KLHL7: variants seen among roughly 807,000 people sequenced by gnomAD.
The protein encoded by KLHL7 is kelch like family member 7.
KLHL7 carries 44 observed loss-of-function variants against 67.4 expected under a neutral mutation model. That is an observed-to-expected ratio of 0.65 (90% CI 0.51 to 0.84). The LOEUF is 0.84. Among genes scored for constraint, KLHL7 ranks in the 40% least tolerant of loss-of-function variants. The pLI is 0.00. For synonymous variants in KLHL7, 252 were observed against 243.3 expected (o/e 1.04, Z -0.33); for missense variants, 362 against 718.1 (o/e 0.50, Z 5.67).
chr7:23,132,241 T>C (rs1473483489), intron 4 of KLHL7, among the ~76,000 whole-genome samples: 2 of 152,230 alleles, frequency 1.3e-5, no homozygotes, highest in Non-Finnish European at 2.9e-5. Context: ...CTATTCTCCA[T>C]AGTGGTTGTA....
chr7:23,107,541 A>ATATT (rs1347024328), intron 1 of KLHL7, among the ~76,000 whole-genome samples: 1 of 152,220 alleles, frequency 6.6e-6, no homozygotes, highest in Admixed American at 6.5e-5. Context: ...GCAGCAGCAA[A>ATATT]TATTTACTTG....
At position 23,174,336 on chromosome 7, in the gene KLHL7, A is replaced by T. The variant is rs760048576; in HGVS notation, c.*38A>T. On this transcript the variant is annotated 3_prime_UTR_variant, in exon 11 of 11. Coordinates refer to ENST00000339077, the MANE Select transcript of KLHL7 (RefSeq NM_001031710.3). ...CTTCAGACTCATCAGAGACTCTAAA[A>T]TATAGCCACCAGTGCTTTGTTCCAG... 6.2e-7 allele frequency: 1 copy of T among 1,606,256 alleles called. No homozygotes were observed. The highest frequency in any genetic ancestry group is 8.5e-7 in the Non-Finnish European group (1 of 1,173,114).
chr7:23,121,884 G>A (rs899183393), intron 1 of KLHL7, among the ~76,000 whole-genome samples: 2 of 151,848 alleles, frequency 1.3e-5, no homozygotes, highest in Non-Finnish European at 2.9e-5. Context: ...GGATTTCACT[G>A]TGTTAGCCAG....
At chr7:23,123,410 A>C (rs1783430402) in intron 1 of KLHL7, among the ~76,000 whole-genome samples, 4 of 151,532 alleles carry the variant, frequency 2.6e-5, no homozygotes, top group Non-Finnish European at 2.9e-5. Context: ...TCAGGGTGTC[A>C]GGGGCACTGC....
At chr7:23,119,119 TC>T (rs1383802882) in intron 1 of KLHL7, among the ~76,000 whole-genome samples, 2 of 152,060 alleles carry the variant, frequency 1.3e-5, no homozygotes, top group Non-Finnish European at 2.9e-5. Flanking sequence ...TTAAATTTAT[TC>T]CCTCACCTCC....
intron 4 of KLHL7, chr7:23,140,549 T>C (rs1323687432): frequency 1.8e-6 from 1 of 554,102 alleles, no homozygotes. Flanking sequence ...GGAGCGAGAC[T>C]CCGTCTCAAA....
At chr7:23,140,139 T>A (rs1246954391) in intron 4 of KLHL7, among the ~76,000 whole-genome samples, 1 of 152,236 alleles carries the variant, frequency 6.6e-6, no homozygotes, top group Non-Finnish European at 1.5e-5. Flanking sequence ...CTGATTAATA[T>A]CACATGGAGA....
intron 2 of KLHL7, among the ~76,000 whole-genome samples, chr7:23,124,247 A>G (rs1010788556): frequency 2.1e-5 from 3 of 140,846 alleles, no homozygotes; most frequent in Admixed American, 7.2e-5. Flanking sequence ...TTTTAACCTT[A>G]GGTGGAAAGA....
intron 8 of KLHL7, among the ~76,000 whole-genome samples, chr7:23,167,514 C>T (rs953906425): frequency 6.6e-6 from 1 of 152,124 alleles, no homozygotes; most frequent in African/African-American, 2.4e-5. Context: ...TAATTCCCGT[C>T]ATGCATAATG....
At chr7:23,116,125 A>G (rs1208180083) in intron 1 of KLHL7, among the ~76,000 whole-genome samples, 1 of 152,154 alleles carries the variant, frequency 6.6e-6, no homozygotes, top group Non-Finnish European at 1.5e-5. Flanking sequence ...ATTCCTTACA[A>G]TTCTGAGCTT....
rs1785275249 is a variant in KLHL7 at position 23,175,392 on chromosome 7, T to C, written c.*1094T>C. ...AGCTGTCACAATCAATGTTTTTATC[T>C]GATAATATTAAATATTTTTTAACTT... is the stretch of plus-strand genomic sequence containing the variant. On this transcript the variant is annotated 3_prime_UTR_variant, in exon 11 of 11. Coordinates refer to ENST00000339077, the MANE Select transcript of KLHL7 (RefSeq NM_001031710.3). 1 of 445,196 alleles carries C rather than the reference T, an allele frequency of 2.2e-6. No individual in the cohort carries two copies. Among genetic ancestry groups the C allele is most frequent in the Non-Finnish European group, 4.5e-6 (1 of 224,632 alleles). The allele number at this position is 445,196 out of a possible 1,614,324, so 27.6% of individuals were successfully genotyped here.
chr7:23,168,891 A>G (rs1785076231), intron 9 of KLHL7, among the ~76,000 whole-genome samples: 1 of 152,234 alleles, frequency 6.6e-6, no homozygotes, highest in South Asian at 2.1e-4. Context: ...TCGTGCTTAA[A>G]GTTTTATATT....
chr7:23,134,899 C>T (rs988699720), intron 4 of KLHL7, among the ~76,000 whole-genome samples: 5 of 152,014 alleles, frequency 3.3e-5, no homozygotes, highest in African/African-American at 9.7e-5. Flanking sequence ...AAAAAAACAA[C>T]TTTTTGTTTC....
rs143583301 is a variant in KLHL7 at position 23,153,614 on chromosome 7, A to G, written c.936+1405A>G. 3.2e-4 allele frequency among the ~76,000 whole-genome samples: 49 copies of G among 152,304 alleles called. No homozygotes were observed. The East Asian group carries it at 9.5e-3, about 29-fold the overall frequency. On this transcript the variant is annotated intron_variant, in intron 7 of 10. Coordinates refer to ENST00000339077, the MANE Select transcript of KLHL7 (RefSeq NM_001031710.3). ...CCTCATGGGCAGCTGGGAATTGTCT[A>G]CTGAAAGAATGATACCTGCATAAAG...
intron 7 of KLHL7, among the ~76,000 whole-genome samples, chr7:23,165,279 T>G (rs1204392008): frequency 6.6e-6 from 1 of 152,242 alleles, no homozygotes; most frequent in Admixed American, 6.5e-5. Flanking sequence ...CTTCATATTA[T>G]CCATTGATTA....
At chr7:23,141,139 G>A (rs950515578) in intron 5 of KLHL7, among the ~76,000 whole-genome samples, 195 bp downstream of exon 5, 2 of 152,174 alleles carry the variant, frequency 1.3e-5, no homozygotes, top group Non-Finnish European at 2.9e-5. Context: ...TAGAGATAAA[G>A]CCATTGGGTA....
At chr7:23,142,539 C>G (rs1019759806) in intron 5 of KLHL7, among the ~76,000 whole-genome samples, 1 of 152,114 alleles carries the variant, frequency 6.6e-6, no homozygotes, top group Admixed American at 6.5e-5. Flanking sequence ...TAACATTACA[C>G]TGGAGAAACG....
intron 1 of KLHL7, among the ~76,000 whole-genome samples, chr7:23,107,823 A>G (rs1301990584): frequency 6.6e-6 from 1 of 152,208 alleles, no homozygotes; most frequent in Non-Finnish European, 1.5e-5. Flanking sequence ...CAGTTCTCCA[A>G]TAGCACTTTT....
intron 5 of KLHL7, among the ~76,000 whole-genome samples, chr7:23,142,844 T>G (rs1784233645): frequency 6.6e-6 from 1 of 152,174 alleles, no homozygotes; most frequent in African/African-American, 2.4e-5. Context: ...ATGGTGTTCT[T>G]TATAGTATTG....
Sources: gnomAD v4.1 joint callset for allele counts (sites outside exome capture counted in the v4.1 genomes callset) on GRCh38, gnomAD v4.1.1 for gene constraint, MANE v1.5 for transcripts, NCBI Gene and HGNC (gene_info 2026-07-23, HGNC 2026-07-21) for gene names.